The following ARHGAP6 variants were observed in gnomAD, a reference collection of about 807,000 sequenced individuals.
ARHGAP6 encodes Rho GTPase activating protein 6, also known as rho GTPase-activating protein 6.
ARHGAP6 carries 16 observed loss-of-function variants against 55.7 expected under a neutral mutation model. The observed-to-expected ratio is 0.29, with a 90% confidence interval of 0.19 to 0.44. The LOEUF (loss-of-function observed/expected upper bound fraction) is 0.44, where lower values mean the gene tolerates loss of function less well. Among genes scored for constraint, ARHGAP6 ranks in the 20% least tolerant of loss-of-function variants. The pLI is 1.00. For synonymous variants in ARHGAP6, 382 were observed against 360.9 expected (o/e 1.06, Z -0.66); for missense variants, 698 against 808.9 (o/e 0.86, Z 1.66).
intron 1 of ARHGAP6, among the ~76,000 whole-genome samples, chrX:11,412,609 T>C (rs1049142106): frequency 8.9e-6 from 1 of 112,327 alleles, no homozygotes; most frequent in Non-Finnish European, 1.9e-5. Flanking sequence ...TATAGATCTG[T>C]CATTTTAAGG....
intron 1 of ARHGAP6, among the ~76,000 whole-genome samples, chrX:11,537,380 C>G (rs2051114331): frequency 8.9e-6 from 1 of 111,806 alleles, no homozygotes; most frequent in Non-Finnish European, 1.9e-5. Context: ...GACAGCTCCT[C>G]TCAGCAAAGA....
intron 1 of ARHGAP6, among the ~76,000 whole-genome samples, chrX:11,392,949 C>T (rs933758707): frequency 6.3e-5 from 7 of 111,680 alleles, no homozygotes; most frequent in South Asian, 7.5e-4. Context: ...CTACACCCTA[C>T]TTTCTCCATG....
intron 1 of ARHGAP6, among the ~76,000 whole-genome samples, chrX:11,411,209 ATATATATATATAT>A (rs1569334023): frequency 1.6e-4 from 13 of 81,114 alleles, no homozygotes; most frequent in African/African-American, 6.3e-4. Flanking sequence ...ATATATATAT[ATATATATATATAT>A]AAAATATACA....
At chrX:11,457,689 C>A (rs781204297) in intron 1 of ARHGAP6, among the ~76,000 whole-genome samples, 1 of 111,291 alleles carries the variant, frequency 9.0e-6, no homozygotes, top group African/African-American at 3.3e-5. Context: ...TACTAGGTCA[C>A]CTGCACTGGT....
At chrX:11,525,849 A>C (rs2050983897) in intron 1 of ARHGAP6, among the ~76,000 whole-genome samples, 1 of 111,055 alleles carries the variant, frequency 9.0e-6, no homozygotes, top group Non-Finnish European at 1.9e-5. Flanking sequence ...CTATTTACCC[A>C]TGTTGTTAGT....
intron 1 of ARHGAP6, among the ~76,000 whole-genome samples, chrX:11,452,005 A>C (rs1173335020): frequency 2.7e-5 from 3 of 112,468 alleles, no homozygotes; most frequent in Non-Finnish European, 5.6e-5. Context: ...ATATAATATT[A>C]GTATGGATGC....
chrX:11,367,060 A>G (rs188217714), intron 1 of ARHGAP6, among the ~76,000 whole-genome samples: 55 of 111,673 alleles, frequency 4.9e-4, no homozygotes, highest in Middle Eastern at 4.6e-3. Flanking sequence ...GTTGTCAGGA[A>G]AAAACAGCTG....
At chrX:11,599,078 T>C (rs2051938890) in intron 1 of ARHGAP6, among the ~76,000 whole-genome samples, 1 of 111,013 alleles carries the variant, frequency 9.0e-6, no homozygotes, top group African/African-American at 3.3e-5. Context: ...AATAAATAAA[T>C]AAATAAAGCT....
At chrX:11,369,904 A>T (rs2049125208) in intron 1 of ARHGAP6, among the ~76,000 whole-genome samples, 1 of 112,616 alleles carries the variant, frequency 8.9e-6, no homozygotes, top group East Asian at 2.8e-4. Context: ...GGATATGCTA[A>T]ACTATCAAGT....
At chrX:11,212,963 G>A (rs1006949435) in intron 2 of ARHGAP6, among the ~76,000 whole-genome samples, 21 of 112,894 alleles carry the variant, frequency 1.9e-4, no homozygotes, top group Admixed American at 1.8e-3. Context: ...TGCAGGTAGT[G>A]GGGCCGTGTG....
At position 11,138,748 on chromosome X, in the gene ARHGAP6, A is replaced by G. The variant is rs1010965120; in HGVS notation, c.*115T>C. The G allele has an allele frequency of 4.8e-6, 4 of 831,163 alleles. No homozygotes were observed. The highest frequency in any genetic ancestry group is 4.1e-5 in the African/African-American group (2 of 48,235). 68.5% of individuals were successfully genotyped at this position (831,163 alleles called of 1,213,427 possible). ...AGGTGAACTGGATTTCTCTTGTGTCACTTTTGAGAAGTGTGAAAGAAGAAC... is the reference window on the plus strand; with the variant it reads ...AGGTGAACTGGATTTCTCTTGTGTCGCTTTTGAGAAGTGTGAAAGAAGAAC... On this transcript the variant is annotated 3_prime_UTR_variant, in exon 13 of 13. Transcript: ENST00000337414.
chrX:11,351,991 A>G (rs1236732350), intron 1 of ARHGAP6, among the ~76,000 whole-genome samples: 1 of 112,538 alleles, frequency 8.9e-6, no homozygotes, highest in African/African-American at 3.2e-5. Context: ...GGCAAGTCCA[A>G]CACTCAGCAT....
At chrX:11,420,633 C>T (rs2049811068) in intron 1 of ARHGAP6, among the ~76,000 whole-genome samples, 1 of 111,520 alleles carries the variant, frequency 9.0e-6, no homozygotes, top group African/African-American at 3.3e-5. Context: ...GAGAGAAACG[C>T]TGGGAGCCAC....
At chrX:11,451,379 T>C (rs917180886) in intron 1 of ARHGAP6, among the ~76,000 whole-genome samples, 1 of 111,930 alleles carries the variant, frequency 8.9e-6, no homozygotes, top group Non-Finnish European at 1.9e-5. Context: ...ACCCCTTGAG[T>C]TCACAGTGCA....
chrX:11,257,318 T>C (rs1363409979), intron 1 of ARHGAP6, among the ~76,000 whole-genome samples: 5 of 112,018 alleles, frequency 4.5e-5, no homozygotes, highest in Non-Finnish European at 3.8e-5. Flanking sequence ...TTATCTGTAG[T>C]AGGGGTTTGA....
In ARHGAP6 at chrX:11,254,840, C is replaced by A; in HGVS notation, c.589-133G>T. ...TGTTCCAAAATTGGGTCTCAATTCC[C>A]AAAGTCAAATCCTCTTTTAGTTCAC... On this transcript the variant is annotated intron_variant, in intron 1 of 12. Coordinates refer to ENST00000337414, the MANE Select transcript of ARHGAP6 (RefSeq NM_013427.3). 2.2e-5 allele frequency: 17 copies of A among 777,158 alleles called. No homozygotes were observed. The South Asian group carries it at 6.3e-4, about 29-fold the overall frequency. 64.0% of individuals were successfully genotyped at this position (777,158 alleles called of 1,213,427 possible). A position where few individuals can be genotyped will look rare whatever the true frequency, so the allele number is the denominator to read the frequency against.
chrX:11,649,859 CTTT>C (rs770335281), intron 1 of ARHGAP6, among the ~76,000 whole-genome samples: 26 of 111,232 alleles, frequency 2.3e-4, no homozygotes, highest in African/African-American at 8.1e-4. Context: ...TGTAAGAAGT[CTTT>C]TTAAATAAAA....
intron 1 of ARHGAP6, among the ~76,000 whole-genome samples, chrX:11,659,405 C>T (rs1268458170): frequency 9.1e-6 from 1 of 110,253 alleles, no homozygotes; most frequent in Non-Finnish European, 1.9e-5. Context: ...ACATTGACTG[C>T]CAGATGATTA....
intron 2 of ARHGAP6, among the ~76,000 whole-genome samples, chrX:11,220,744 C>T (rs1353658533): frequency 9.2e-6 from 1 of 108,743 alleles, no homozygotes; most frequent in African/African-American, 3.4e-5. Context: ...AAATAACCAG[C>T]TAACATCATA....
Sources: allele counts gnomAD v4.1 joint callset (sites outside exome capture counted in the v4.1 genomes callset), GRCh38; gene constraint gnomAD v4.1.1; transcripts MANE v1.5; gene names NCBI Gene and HGNC (gene_info 2026-07-23, HGNC 2026-07-21).